SCNN1A: variants seen among roughly 807,000 people sequenced by gnomAD.
SCNN1A encodes the protein sodium channel epithelial 1 subunit alpha.
SCNN1A carries 65 observed loss-of-function variants against 68.6 expected under a neutral mutation model. The observed-to-expected ratio is 0.95, with a 90% CI of 0.78 to 1.16. The LOEUF is 1.16. SCNN1A is among the 50% of genes most tolerant of loss of function. The pLI is 0.00. For missense variants in SCNN1A, 880 were observed against 865.9 expected (o/e 1.02, Z -0.20); for synonymous variants, 357 against 353.3 (o/e 1.01, Z -0.12).
Position 6,347,575 on chromosome 12 carries a change from T to C in SCNN1A, c.*298A>G, listed in dbSNP as rs1948279448. On this transcript the variant is annotated 3_prime_UTR_variant, in exon 13 of 13. Coordinates refer to ENST00000228916, the MANE Select transcript of SCNN1A (RefSeq NM_001038.6). ...AAGTTCCTTGTCAAAGCTCCAAGTT[T>C]CGCTTGGCTGATCCAAGGGAAAAAG... The C allele has an allele frequency of 2.2e-6, 1 of 457,884 alleles. No homozygotes were observed. Among genetic ancestry groups the C allele is most frequent in the Admixed American group, 3.5e-5 (1 of 28,566 alleles). The allele number at this position is 457,884 out of a possible 1,614,324, so 28.4% of individuals were successfully genotyped here.
intron 8 of SCNN1A, 74 bp from the exon 9 acceptor site, chr12:6,349,479 A>G (rs1405772007): frequency 2.8e-6 from 3 of 1,061,712 alleles, no homozygotes; most frequent in Admixed American, 2.0e-5. Flanking sequence ...GAGGTCTCCC[A>G]AGATCCCTGG....
Position 6,349,372 on chromosome 12 carries a change from G to A in SCNN1A, c.1394C>T (p.Ser465Phe), listed in dbSNP as rs369382063. Residue 465 changes from serine to phenylalanine, a missense_variant, in exon 9 of 13, where the codon TCC becomes TTC. By Grantham distance (155) the Ser-to-Phe change is radical. Around this residue, in one of 3 missense-constraint regions of SCNN1A, gnomAD observed 758 missense variants for 721.8 expected, o/e 1.05. Transcript: ENST00000228916. ...YCYYKLQVDF[S>F]SDHLGCFTKC... is the part of the protein sequence containing the mutation. ...GGTGAAACAGCCCAGGTGGTCTGAGGAGAAGTCAACCTGGAGCTTATAGTA... is the reference window on the plus strand; with the variant it reads ...GGTGAAACAGCCCAGGTGGTCTGAGAAGAAGTCAACCTGGAGCTTATAGTA... The A allele has an allele frequency of 7.5e-5, 121 of 1,608,788 alleles. No homozygotes were observed. The highest frequency in any genetic ancestry group is 9.6e-5 in the Non-Finnish European group (113 of 1,177,378).
intron 2 of SCNN1A, among the ~76,000 whole-genome samples, chr12:6,367,012 T>G (rs1212045276): frequency 6.6e-6 from 1 of 152,074 alleles, no homozygotes; most frequent in Non-Finnish European, 1.5e-5. Flanking sequence ...GCCAAGTGGG[T>G]GGATCACTTG....
intron 3 of SCNN1A, among the ~76,000 whole-genome samples, chr12:6,362,722 C>T (rs1407299182): frequency 6.6e-6 from 1 of 151,646 alleles, no homozygotes; most frequent in Non-Finnish European, 1.5e-5. Context: ...CTCTGTCACT[C>T]AGGCTGGAGT....
chr12:6,349,108 G>A (rs3764874), intron 10 of SCNN1A, 56 bp downstream of exon 10: 2 of 1,603,002 alleles, frequency 1.2e-6, no homozygotes, highest in Admixed American at 1.7e-5. Flanking sequence ...CCCAGAGAAG[G>A]CCACAGCATT....
intron 4 of SCNN1A, among the ~76,000 whole-genome samples, chr12:6,358,770 G>A (rs1009293826): frequency 2.0e-5 from 3 of 151,258 alleles, no homozygotes; most frequent in African/African-American, 7.3e-5. Flanking sequence ...TGAATCAGGA[G>A]GATCGTTTCA....
At position 6,374,521 on chromosome 12, in the gene SCNN1A, G is replaced by A; in HGVS notation, c.263C>T (p.Ala88Val). 1 of 1,614,206 alleles carries A rather than the reference G, an allele frequency of 6.2e-7. No homozygotes were observed. The highest frequency in any genetic ancestry group is 8.5e-7 in the Non-Finnish European group (1 of 1,180,030). ...QHNRMKTAFW[A>V]VLWLCTFGMM... ...GCCAAAGGTGCAGAGCCACAGCACT[G>A]CCCAGAAGGCCGTCTTCATGCGGTT... Residue 88 changes from alanine (A) to valine (V), a missense_variant, in exon 2 of 13, where the codon GCA becomes GTA. Around this residue, in one of 3 missense-constraint regions of SCNN1A, gnomAD observed 45 missense variants for 76.7 expected, o/e 0.59. Transcript: ENST00000228916. The surrounding 1 kb of genome is among the most constrained non-coding windows in gnomAD (Gnocchi z 6.2).
chr12:6,360,036 G>T (rs1332221611), intron 4 of SCNN1A, among the ~76,000 whole-genome samples: 1 of 152,150 alleles, frequency 6.6e-6, no homozygotes, highest in Non-Finnish European at 1.5e-5. Flanking sequence ...CTCCCAAAGT[G>T]CTGGGATTAC....
intron 2 of SCNN1A, 68 bp from the exon 3 acceptor site, chr12:6,363,778 AGGGTCCTCATCTGTGCCCC>A: frequency 6.8e-7 from 1 of 1,463,526 alleles, no homozygotes; most frequent in Non-Finnish European, 9.2e-7. Flanking sequence ...CTCCGGGGTC[AGGGTCCTCATCTGTGCCCC>A]GGGAGGCCGG....
chr12:6,366,677 G>A (rs1226810667), intron 2 of SCNN1A, among the ~76,000 whole-genome samples: 1 of 152,072 alleles, frequency 6.6e-6, no homozygotes, highest in African/African-American at 2.4e-5. Context: ...GCACATGCCT[G>A]TAATCCCAGC....
chr12:6,363,889 T>G, intron 2 of SCNN1A, 179 bp from the exon 3 acceptor site: 2 of 414,124 alleles, frequency 4.8e-6, no homozygotes, highest in Non-Finnish European at 4.2e-6. Context: ...AACAGGTGTG[T>G]CCGCCGGGAA....
At chr12:6,354,296 G>C in intron 8 of SCNN1A, 142 bp downstream of exon 8, 1 of 709,274 alleles carries the variant, frequency 1.4e-6, no homozygotes, top group South Asian at 1.5e-5. Context: ...GAGACTAAAG[G>C]CTGAAAAACA....
rs71067109 is a variant in SCNN1A, at chr12:6,369,294, T to TCACCTCCCTCCTGCCACCCTACG, written c.416+5051_416+5073dup. On this transcript the variant is annotated intron_variant, in intron 2 of 12. Transcript: ENST00000228916. ...ACACGCCTCCCTCCTGCCACCCTAC[T>TCACCTCCCTCCTGCCACCCTACG]CACCTCCCTCCTGCCACCCTACGCA... Among the ~76,000 whole-genome samples, 925 of 108,392 alleles carry TCACCTCCCTCCTGCCACCCTACG rather than the reference T, an allele frequency of 8.5e-3. 26 individuals carry two copies. The highest frequency in any genetic ancestry group is 0.011 in the Non-Finnish European group (570 of 52,986). 71.1% of individuals were successfully genotyped at this position (108,392 alleles called of 152,430 possible).
intron 4 of SCNN1A, 100 bp from the exon 5 acceptor site, chr12:6,355,980 A>C: frequency 1.2e-6 from 1 of 842,296 alleles, no homozygotes. Context: ...TTAAACTCCT[A>C]CAGGACTTGT....
intron 4 of SCNN1A, among the ~76,000 whole-genome samples, chr12:6,360,791 C>T (rs1453233837): frequency 6.6e-6 from 1 of 150,576 alleles, no homozygotes; most frequent in Admixed American, 6.7e-5. Context: ...ACCCCCCCCT[C>T]GCCTCAGCCT....
At position 6,362,197 on chromosome 12, in the gene SCNN1A, T is replaced by TGATGAGTATG. The variant is rs1452238721; in HGVS notation, c.719_728dup (p.Gly244IlefsTer70). On this transcript the variant is annotated frameshift_variant, in exon 4 of 13. Coordinates refer to ENST00000228916, the MANE Select transcript of SCNN1A (RefSeq NM_001038.6). LOFTEE classifies it high-confidence loss of function. ...ACCACTCCCTCACCGCATCCACCCC[T>TGATGAGTATG]GATGAGTATGTCTGGTAGAAGCAGT... 6.2e-7 allele frequency: 1 copy of TGATGAGTATG among 1,614,152 alleles called. No homozygotes were observed. Among genetic ancestry groups the TGATGAGTATG allele is most frequent in the African/African-American group, 1.3e-5 (1 of 75,048 alleles).
At chr12:6,356,105 A>T in intron 4 of SCNN1A, 1 of 595,022 alleles carries the variant, frequency 1.7e-6, no homozygotes, top group Non-Finnish European at 3.0e-6. Context: ...TCTCATCCTC[A>T]TATCACAGAG....
chr12:6,362,680 C>T (rs1480027727), intron 3 of SCNN1A, among the ~76,000 whole-genome samples: 1 of 151,446 alleles, frequency 6.6e-6, no homozygotes, highest in Admixed American at 6.6e-5. Flanking sequence ...TCCCTTGCTC[C>T]TTTCTTTCTT....
rs35673511 is a variant in SCNN1A, at chr12:6,358,859, C to CAAAA, written c.876-2983_876-2980dup. On this transcript the variant is annotated intron_variant, in intron 4 of 12. Transcript: ENST00000228916. Reference sequence around the variant, plus strand: ...TGGGTAACAGAGTGAGAACCTGTCTCAAAAAAAAAAAAAAAAAAAAGGTGG... The same window carrying CAAAA: ...TGGGTAACAGAGTGAGAACCTGTCTCAAAAAAAAAAAAAAAAAAAAAAAAGGTGG... Among the ~76,000 whole-genome samples, 7 of 83,600 alleles carry CAAAA rather than the reference C, an allele frequency of 8.4e-5. 1 individual carries two copies. Among genetic ancestry groups the CAAAA allele is most frequent in the African/African-American group, 2.6e-4 (7 of 26,858 alleles). 54.8% of individuals were successfully genotyped at this position (83,600 alleles called of 152,430 possible).
Sources: allele counts gnomAD v4.1 joint callset (sites outside exome capture counted in the v4.1 genomes callset), GRCh38; gene constraint gnomAD v4.1.1; regional missense constraint gnomAD v4.1.1; non-coding constraint Gnocchi (gnomAD v3.1); transcripts MANE v1.5; gene names NCBI Gene and HGNC (gene_info 2026-07-23, HGNC 2026-07-21).